The following COMMD10 variants were observed in gnomAD, a reference collection of about 807,000 sequenced individuals.
COMMD10 encodes COMM domain containing 10, also known as COMM domain-containing protein 10.
Under a neutral mutation model 28.9 loss-of-function variants are expected in COMMD10, and 33 were observed. The ratio of observed to expected loss-of-function variants is 1.14; its 90% CI spans 0.87 to 1.53. The LOEUF (loss-of-function observed/expected upper bound fraction) is 1.53, where lower values mean the gene tolerates loss of function less well. Ranked by LOEUF, COMMD10 falls within the 40% of genes most tolerant of loss-of-function variation. The pLI is 0.00. For missense variants in COMMD10, 310 were observed against 233.4 expected (o/e 1.33, Z -2.14); for synonymous variants, 110 against 81.7 (o/e 1.35, Z -1.87).
chr5:116,167,446 C>G (rs1753163044), intron 5 of COMMD10, among the ~76,000 whole-genome samples: 2 of 152,034 alleles, frequency 1.3e-5, no homozygotes, highest in South Asian at 4.2e-4. Flanking sequence ...GAAGGACTTC[C>G]CCAACCTAGC....
chr5:116,086,008 T>C (rs1433527091), intron 1 of COMMD10, among the ~76,000 whole-genome samples: 1 of 152,124 alleles, frequency 6.6e-6, no homozygotes, highest in East Asian at 1.9e-4. Context: ...TTATTGAAAA[T>C]GAAACTACCC....
intron 4 of COMMD10, among the ~76,000 whole-genome samples, chr5:116,105,636 ACTT>A (rs1750811960): frequency 6.6e-6 from 1 of 152,106 alleles, no homozygotes; most frequent in African/African-American, 2.4e-5. Context: ...CAGTTTCAGA[ACTT>A]CTTATTGCTG....
intron 5 of COMMD10, among the ~76,000 whole-genome samples, chr5:116,200,167 A>G (rs1006767327): frequency 2.0e-5 from 3 of 152,232 alleles, no homozygotes; most frequent in South Asian, 4.1e-4. Context: ...TTAAATTATT[A>G]TTAACTGTGG....
intron 5 of COMMD10, among the ~76,000 whole-genome samples, chr5:116,191,209 A>G (rs1393680489): frequency 1.3e-5 from 2 of 152,138 alleles, no homozygotes; most frequent in African/African-American, 4.8e-5. Flanking sequence ...GAGGGTGGCC[A>G]GAGGAGCAGG....
chr5:116,267,061 A>T (rs1371808471), intron 5 of COMMD10, among the ~76,000 whole-genome samples: 1 of 151,702 alleles, frequency 6.6e-6, no homozygotes, highest in South Asian at 2.1e-4. Context: ...CTCTCTCACC[A>T]CTCCTATTCA....
chr5:116,176,818 A>C (rs1455921711), intron 5 of COMMD10, among the ~76,000 whole-genome samples: 4 of 152,184 alleles, frequency 2.6e-5, no homozygotes, highest in Non-Finnish European at 4.4e-5. Context: ...AAACAGGGGA[A>C]GTTTAATATA....
chr5:116,204,013 A>G (rs1349753761), intron 5 of COMMD10, among the ~76,000 whole-genome samples: 1 of 152,140 alleles, frequency 6.6e-6, no homozygotes, highest in African/African-American at 2.4e-5. Context: ...GTGCAGAGAC[A>G]CACATAGGCT....
chr5:116,100,734 AATTTC>A (rs1431588383), intron 4 of COMMD10, among the ~76,000 whole-genome samples: 2 of 152,010 alleles, frequency 1.3e-5, no homozygotes, highest in African/African-American at 4.8e-5. Flanking sequence ...GGGATTTTAA[AATTTC>A]ATCTCATCTC....
At chr5:116,138,290 C>G (rs1345071097) in intron 5 of COMMD10, among the ~76,000 whole-genome samples, 1 of 151,720 alleles carries the variant, frequency 6.6e-6, no homozygotes, top group East Asian at 1.9e-4. Flanking sequence ...CATTCTGTCA[C>G]TTGTATTAAT....
chr5:116,208,062 G>T (rs1191825336), intron 5 of COMMD10, among the ~76,000 whole-genome samples: 1 of 152,100 alleles, frequency 6.6e-6, no homozygotes, highest in Non-Finnish European at 1.5e-5. Context: ...CTGCTTACTA[G>T]AAAAGTTGAA....
intron 5 of COMMD10, among the ~76,000 whole-genome samples, chr5:116,212,981 C>T (rs140333675): frequency 6.6e-6 from 1 of 152,026 alleles, no homozygotes; most frequent in East Asian, 1.9e-4. Flanking sequence ...TATCTTTTGT[C>T]TCTGTAAATT....
chr5:116,284,340 GTA>G lies in COMMD10; in HGVS notation c.511-7175_511-7174del, dbSNP rs201883146. Among the ~76,000 whole-genome samples the G allele has an allele frequency of 3.2e-4, 48 of 148,062 alleles. 3 individuals carry two copies. The highest frequency in any genetic ancestry group is 1.1e-3 in the African/African-American group (40 of 37,790). On this transcript the variant is annotated intron_variant, in intron 5 of 6. Transcript: ENST00000274458. ...TAAAGGATTGTATGTGTGTGTGTATGTATGTGTGTGTGTGTGTATATATATGT... is the reference window on the plus strand; with the variant it reads ...TAAAGGATTGTATGTGTGTGTGTATGTGTGTGTGTGTGTGTATATATATGT...
At chr5:116,236,796 A>C (rs989669050) in intron 5 of COMMD10, among the ~76,000 whole-genome samples, 3 of 152,092 alleles carry the variant, frequency 2.0e-5, no homozygotes, top group Non-Finnish European at 4.4e-5. Flanking sequence ...AGTGAACCCT[A>C]ATGTAAACTA....
chr5:116,179,857 C>G (rs972975214), intron 5 of COMMD10, among the ~76,000 whole-genome samples: 3 of 151,970 alleles, frequency 2.0e-5, no homozygotes, highest in African/African-American at 7.2e-5. Context: ...AAGTAGAAAA[C>G]TCAAATCTAC....
chr5:116,193,722 G>A (rs1436412340), intron 5 of COMMD10, among the ~76,000 whole-genome samples: 1 of 152,060 alleles, frequency 6.6e-6, no homozygotes, highest in Admixed American at 6.6e-5. Flanking sequence ...TGATAATAGT[G>A]GAGGACTTCA....
Position 116,150,101 on chromosome 5 carries a change from T to A in COMMD10, c.510+15923T>A, listed in dbSNP as rs1427727942. On this transcript the variant is annotated intron_variant, in intron 5 of 6. Transcript: ENST00000274458. ...GCTAGCCAGTTTCCCCAGCACCATT[T>A]ATTAAATAGGGAATACTTTCCCCAT... 2.0e-5 allele frequency among the ~76,000 whole-genome samples: 3 copies of A among 152,182 alleles called. 1 individual carries two copies. The highest frequency in any genetic ancestry group is 4.1e-4 in the South Asian group (2 of 4,828).
intron 5 of COMMD10, chr5:116,217,908 A>G (rs951504073): frequency 1.5e-6 from 1 of 647,008 alleles, no homozygotes; most frequent in African/African-American, 1.8e-5. Context: ...TGCTAACAGC[A>G]TAGCTCAAAA....
At chr5:116,238,117 C>T (rs1297839873) in intron 5 of COMMD10, among the ~76,000 whole-genome samples, 3 of 152,104 alleles carry the variant, frequency 2.0e-5, no homozygotes, top group African/African-American at 7.2e-5. Context: ...GAGGCCATCG[C>T]CTTGAACTGT....
At chr5:116,179,584 A>T (rs1747877022) in intron 5 of COMMD10, among the ~76,000 whole-genome samples, 2 of 152,176 alleles carry the variant, frequency 1.3e-5, no homozygotes, top group African/African-American at 4.8e-5. Context: ...AAGACCTGGC[A>T]CAGAGCATAA....
Sources: gnomAD v4.1 joint callset for allele counts (sites outside exome capture counted in the v4.1 genomes callset) on GRCh38, gnomAD v4.1.1 for gene constraint, MANE v1.5 for transcripts, NCBI Gene and HGNC (gene_info 2026-07-23, HGNC 2026-07-21) for gene names.